Variants in PRDM16 observed in about 807,000 individuals in gnomAD.
PRDM16 encodes histone-lysine N-methyltransferase PRDM16.
A neutral mutation model predicts 110.6 loss-of-function variants in PRDM16; 23 were observed. The ratio of observed to expected loss-of-function variants is 0.21; its 90% CI spans 0.15 to 0.29. The LOEUF is 0.29. Among genes scored for constraint, PRDM16 ranks in the 10% least tolerant of loss-of-function variants. PRDM16 has a pLI of 1.00. For missense variants in PRDM16, 1,615 were observed against 1,794.3 expected, an observed-to-expected ratio of 0.90 and a Z score of 1.81; for synonymous variants, 799 against 781.8, an observed-to-expected ratio of 1.02 and a Z score of -0.37.
At chr1:3,078,984 A>G (rs1015611870) in intron 1 of PRDM16, among the ~76,000 whole-genome samples, 2 of 152,262 alleles carry the variant, frequency 1.3e-5, no homozygotes, top group African/African-American at 4.8e-5. Flanking sequence ...ACATTTAAAC[A>G]AAGACCAAAA....
Position 3,141,287 on chromosome 1 carries a change from C to T in PRDM16, c.38-44838C>T, listed in dbSNP as rs560004126. Among the ~76,000 whole-genome samples the T allele has an allele frequency of 9.2e-5, 14 of 152,310 alleles. No individual in the cohort carries two copies. The East Asian group carries it at 2.5e-3, about 27-fold the overall frequency. On this transcript the variant is annotated intron_variant, in intron 1 of 16. Transcript: ENST00000270722. ...ATGAAACAATGTCATCACAAGTCAC[C>T]TACCTGCCCTGTCAGCTCAGCATCA...
intron 12 of PRDM16, among the ~76,000 whole-genome samples, chr1:3,419,455 C>T (rs1156782741): frequency 6.6e-6 from 1 of 152,090 alleles, no homozygotes; most frequent in Non-Finnish European, 1.5e-5. Flanking sequence ...ATGAGGGGCC[C>T]GAGGCTCAGA....
At position 3,321,438 on chromosome 1, in the gene PRDM16, GTGTT is replaced by G. The variant is rs879932769; in HGVS notation, c.439-63710_439-63707del. Among the ~76,000 whole-genome samples the G allele has an allele frequency of 3.3e-5, 5 of 151,736 alleles. No individual in the cohort carries two copies. In the East Asian group the frequency reaches 7.8e-4, roughly 24 times the overall value. ...TATGCATTTGTGTGTGGGTGCACAT[GTGTT>G]TGTGTTTGTGGGGGGCACATGTGTG... is the stretch of plus-strand genomic sequence containing the variant. On this transcript the variant is annotated intron_variant, in intron 3 of 16. Transcript: ENST00000270722.
At chr1:3,112,912 G>A (rs1298859833) in intron 1 of PRDM16, among the ~76,000 whole-genome samples, 1 of 152,272 alleles carries the variant, frequency 6.6e-6, no homozygotes, top group Admixed American at 6.5e-5. Context: ...CTTGCGGGGA[G>A]AGCCTGTGGG....
intron 3 of PRDM16, chr1:3,309,655 G>A (rs756177564): frequency 6.6e-6 from 1 of 152,288 alleles, no homozygotes. Flanking sequence ...TCCTTGTCCT[G>A]GTTGTTTTCA....
chr1:3,114,364 G>A (rs34699619), intron 1 of PRDM16, among the ~76,000 whole-genome samples: 14,398 of 121,288 alleles, frequency 0.12, 811 homozygotes, highest in Middle Eastern at 0.29. Flanking sequence ...ATGCACACAC[G>A]CACACACGCA....
In PRDM16 at chr1:3,080,767, C is replaced by T. The variant is rs558249273; in HGVS notation, c.37+11471C>T. ...GAGGAACATGTTGGGCGGTTTCTTC[C>T]GGGCCGGGGAAATCTGAGCAGCCAC... On this transcript the variant is annotated intron_variant, in intron 1 of 16. Coordinates refer to ENST00000270722, the MANE Select transcript of PRDM16 (RefSeq NM_022114.4). This position sits in a 1 kb window ranked among gnomAD's most constrained non-coding sequence, Gnocchi z 5.2. 1.6e-3 allele frequency among the ~76,000 whole-genome samples: 249 copies of T among 152,224 alleles called. No individual in the cohort carries two copies. The highest frequency in any genetic ancestry group is 2.8e-3 in the Non-Finnish European group (193 of 68,020).
chr1:3,285,028 G>A (rs1368751501), intron 3 of PRDM16, among the ~76,000 whole-genome samples: 1 of 152,200 alleles, frequency 6.6e-6, no homozygotes, highest in Non-Finnish European at 1.5e-5. Context: ...CCTTGAGCAT[G>A]GAACGCTTCA....
intron 3 of PRDM16, among the ~76,000 whole-genome samples, chr1:3,268,960 C>T (rs566440634): frequency 5.6e-4 from 86 of 152,348 alleles, no homozygotes; most frequent in South Asian, 3.9e-3. Context: ...GGGGGTCCTT[C>T]CAAAGGTTCC....
At chr1:3,422,069 C>T (rs1638450402) in intron 12 of PRDM16, among the ~76,000 whole-genome samples, 1 of 147,532 alleles carries the variant, frequency 6.8e-6, no homozygotes, top group Admixed American at 6.8e-5. Flanking sequence ...GGCAGACAGA[C>T]AGGCAGGGCA....
At position 3,435,843 on chromosome 1, in the gene PRDM16, C is replaced by T. The variant is rs957120374; in HGVS notation, c.*2032C>T. The T allele has an allele frequency of 7.3e-5, 17 of 231,952 alleles. No homozygotes were observed. Among genetic ancestry groups the T allele is most frequent in the African/African-American group, 3.1e-4 (14 of 45,248 alleles). The allele number at this position is 231,952 out of a possible 1,614,324, so 14.4% of individuals were successfully genotyped here. A position where few individuals can be genotyped will look rare whatever the true frequency, so the allele number is the denominator to read the frequency against. ...GGCTCCTGCAGGAGGCTCAACCCGA[C>T]GGATCACAGTGAAAGGGATTCCTCC... On this transcript the variant is annotated 3_prime_UTR_variant, in exon 17 of 17. Coordinates refer to ENST00000270722, the MANE Select transcript of PRDM16 (RefSeq NM_022114.4).
chr1:3,389,761 A>G (rs1326115458), intron 4 of PRDM16, among the ~76,000 whole-genome samples: 1 of 152,122 alleles, frequency 6.6e-6, no homozygotes, highest in Non-Finnish European at 1.5e-5. Flanking sequence ...GGAGCAAAAC[A>G]TCCCTGCACA....
intron 1 of PRDM16, among the ~76,000 whole-genome samples, chr1:3,128,858 G>C (rs992721596): frequency 1.3e-5 from 2 of 152,212 alleles, no homozygotes; most frequent in South Asian, 4.1e-4. Flanking sequence ...GGAACTGTTC[G>C]GCCCTCACTA....
chr1:3,181,809 G>A, intron 1 of PRDM16, among the ~76,000 whole-genome samples: 1 of 33,742 alleles, frequency 3.0e-5, no homozygotes, highest in South Asian at 8.5e-4. Context: ...CTTACACACG[G>A]TCTTACACAT....
At chr1:3,357,150 TG>T (rs1642620607) in intron 3 of PRDM16, among the ~76,000 whole-genome samples, 2 of 152,086 alleles carry the variant, frequency 1.3e-5, no homozygotes, top group African/African-American at 4.8e-5. Context: ...CTCTGCTGTC[TG>T]GGGCCGGGCC....
chr1:3,132,209 C>T (rs996764735), intron 1 of PRDM16, among the ~76,000 whole-genome samples: 21 of 152,152 alleles, frequency 1.4e-4, no homozygotes, highest in Admixed American at 1.1e-3. Context: ...GGTTACACGG[C>T]GGTGCCACGG....
chr1:3,079,982 C>T (rs1641986360), intron 1 of PRDM16, among the ~76,000 whole-genome samples: 1 of 152,242 alleles, frequency 6.6e-6, no homozygotes, highest in South Asian at 2.1e-4. Flanking sequence ...GCCTCAGTAG[C>T]GCGTGCCCAC....
At chr1:3,162,380 T>G (rs1643906344) in intron 1 of PRDM16, among the ~76,000 whole-genome samples, 2 of 152,194 alleles carry the variant, frequency 1.3e-5, no homozygotes, top group South Asian at 4.1e-4. Flanking sequence ...TCCACTTTCT[T>G]TCCCTGTGGA....
intron 1 of PRDM16, among the ~76,000 whole-genome samples, chr1:3,102,295 C>T (rs564055753): frequency 2.8e-4 from 43 of 152,106 alleles, no homozygotes; most frequent in Non-Finnish European, 6.0e-4. Context: ...TGGCTACCTC[C>T]TAGCTGTCCC....
Sources: gnomAD v4.1 joint callset for allele counts (sites outside exome capture counted in the v4.1 genomes callset) on GRCh38, gnomAD v4.1.1 for gene constraint, Gnocchi (gnomAD v3.1) non-coding constraint, MANE v1.5 for transcripts, NCBI Gene and HGNC (gene_info 2026-07-23, HGNC 2026-07-21) for gene names.